The following CIMAP1D variants were observed in gnomAD, a reference collection of about 807,000 sequenced individuals.
CIMAP1D encodes protein CIMAP1D.
At chr19:474,769 A>G in the CIMAP1D span, 1 of 1,474,582 alleles carries the variant, frequency 6.8e-7, no homozygotes, top group African/African-American at 1.4e-5. Context: ...GATGGCCCCC[A>G]CAGCACCCAC....
At chr19:474,113 G>A in the CIMAP1D span, among the ~76,000 whole-genome samples, 4 of 152,154 alleles carry the variant, frequency 2.6e-5, no homozygotes, top group African/African-American at 9.7e-5. Flanking sequence ...CAGGGATCAG[G>A]AGAGACCACA....
At chr19:465,904 G>C in the CIMAP1D span, among the ~76,000 whole-genome samples, 3 of 140,522 alleles carry the variant, frequency 2.1e-5, no homozygotes, top group African/African-American at 5.3e-5. Flanking sequence ...GGATGGATGG[G>C]TGGATAGATG....
the CIMAP1D span, among the ~76,000 whole-genome samples, chr19:488,344 A>C: frequency 6.6e-6 from 1 of 151,522 alleles, no homozygotes; most frequent in African/African-American, 2.4e-5. Flanking sequence ...AACACGGTGA[A>C]ACCCCGTCTC....
chr19:484,236 G>T, the CIMAP1D span, among the ~76,000 whole-genome samples: 1 of 150,968 alleles, frequency 6.6e-6, no homozygotes, highest in African/African-American at 2.4e-5. Context: ...TGCCTCCCGG[G>T]CTCAAGCGAT....
At chr19:467,843 G>A in the CIMAP1D span, 1 of 856,338 alleles carries the variant, frequency 1.2e-6, no homozygotes. Flanking sequence ...GCCCCTCTTG[G>A]CCCCGAGACA....
chr19:471,442 C>A, the CIMAP1D span, among the ~76,000 whole-genome samples: 3 of 149,536 alleles, frequency 2.0e-5, no homozygotes, highest in Admixed American at 6.7e-5. Context: ...GCCACTGCGC[C>A]CGGCCCTAAA....
chr19:484,422 T>C, the CIMAP1D span, among the ~76,000 whole-genome samples: 16 of 152,222 alleles, frequency 1.1e-4, no homozygotes, highest in African/African-American at 3.9e-4. Flanking sequence ...ATTACAGGCA[T>C]GAGCCACCGC....
At chr19:474,562 A>G in the CIMAP1D span, 1 of 1,410,554 alleles carries the variant, frequency 7.1e-7, no homozygotes, top group Non-Finnish European at 9.4e-7. Context: ...CAGAAGCCCC[A>G]GAAGTATGGG....
chr19:464,459 C>A, the CIMAP1D span: 4 of 741,730 alleles, frequency 5.4e-6, no homozygotes, highest in East Asian at 1.1e-4. Context: ...CTGGAGCTTA[C>A]AACGCTTCTC....
the CIMAP1D span, among the ~76,000 whole-genome samples, chr19:488,428 A>T: frequency 6.6e-6 from 1 of 152,206 alleles, no homozygotes. Context: ...AGGCTGAGGC[A>T]GGAGAATGGC....
At chr19:477,560 C>A in the CIMAP1D span, among the ~76,000 whole-genome samples, 2 of 151,580 alleles carry the variant, frequency 1.3e-5, no homozygotes, top group Non-Finnish European at 2.9e-5. Flanking sequence ...GCACTCCAGC[C>A]TGAGTGACAG....
chr19:480,957 TGGG>T, the CIMAP1D span, among the ~76,000 whole-genome samples: 1 of 62,482 alleles, frequency 1.6e-5, no homozygotes, highest in Non-Finnish European at 3.5e-5. Context: ...AGAAGGAATG[TGGG>T]AAGGATGATG....
chr19:466,689 G>A, the CIMAP1D span, among the ~76,000 whole-genome samples: 2 of 147,780 alleles, frequency 1.4e-5, no homozygotes, highest in Admixed American at 6.7e-5. Context: ...TGGATGGACG[G>A]GTGGATAGAT....
chr19:466,459 G>A, the CIMAP1D span, among the ~76,000 whole-genome samples: 1 of 150,802 alleles, frequency 6.6e-6, no homozygotes, highest in African/African-American at 2.4e-5. Flanking sequence ...ATGGGTGGGT[G>A]GGTGGATGGA....
the CIMAP1D span, among the ~76,000 whole-genome samples, chr19:481,069 GA>G: frequency 7.0e-6 from 1 of 143,010 alleles, no homozygotes; most frequent in African/African-American, 2.6e-5. Context: ...TGGAAAGGAT[GA>G]TGGGAAGGAT....
At chr19:474,057 G>T in the CIMAP1D span, among the ~76,000 whole-genome samples, 6 of 151,992 alleles carry the variant, frequency 3.9e-5, no homozygotes, top group African/African-American at 1.5e-4. Context: ...AGAGATACAC[G>T]GTCACAGACG....
chr19:464,245 A>C, the CIMAP1D span: 1 of 1,529,642 alleles, frequency 6.5e-7, no homozygotes. Context: ...GCAGGGGCTG[A>C]GGTGTCCAGG....
the CIMAP1D span, among the ~76,000 whole-genome samples, chr19:481,104 G>A: frequency 3.7e-4 from 48 of 129,724 alleles, no homozygotes; most frequent in African/African-American, 1.5e-3. Flanking sequence ...GATGGAGAAC[G>A]ATGATGGAGA....
At chr19:483,374 GC>G in the CIMAP1D span, among the ~76,000 whole-genome samples, 1 of 151,714 alleles carries the variant, frequency 6.6e-6, no homozygotes, top group South Asian at 2.1e-4. Context: ...CCCTACAGAC[GC>G]CCATCCTGGC....
Sources: allele counts gnomAD v4.1 joint callset (sites outside exome capture counted in the v4.1 genomes callset), GRCh38; gene constraint gnomAD v4.1.1; transcripts MANE v1.5; gene names NCBI Gene and HGNC (gene_info 2026-07-23, HGNC 2026-07-21).